Variants in GRM8 observed in about 807,000 individuals in gnomAD.
The protein encoded by GRM8 is glutamate metabotropic receptor 8.
Under a neutral mutation model 87.2 loss-of-function variants are expected in GRM8, and 47 were observed. That is an observed-to-expected ratio of 0.54 (90% CI 0.43 to 0.69). The LOEUF is 0.69. Among genes scored for constraint, GRM8 ranks in the 30% least tolerant of loss-of-function variants. The pLI, the probability that GRM8 is intolerant of heterozygous loss-of-function variation, is 0.00. For missense variants in GRM8, 1,019 were observed against 1,139.2 expected, an observed-to-expected ratio of 0.89 and a Z score of 1.52; for synonymous variants, 396 against 404.5, an observed-to-expected ratio of 0.98 and a Z score of 0.25.
chr7:127,232,576 C>A (rs1253399904), intron 2 of GRM8, among the ~76,000 whole-genome samples: 1 of 152,080 alleles, frequency 6.6e-6, no homozygotes, highest in East Asian at 1.9e-4. Flanking sequence ...TGACCAATGA[C>A]TATACCTTTA....
chr7:126,461,161 C>T (rs539991371), intron 9 of GRM8, among the ~76,000 whole-genome samples: 5 of 151,610 alleles, frequency 3.3e-5, no homozygotes, highest in African/African-American at 1.2e-4. Flanking sequence ...TGAGTCTTCT[C>T]TTACTGAAGC....
intron 3 of GRM8, among the ~76,000 whole-genome samples, chr7:127,089,338 C>T (rs1823826934): frequency 6.6e-6 from 1 of 152,128 alleles, no homozygotes; most frequent in Admixed American, 6.5e-5. Flanking sequence ...AGGAGCCAGC[C>T]CTGCCTACAC....
chr7:126,600,563 T>G (rs766109638), intron 8 of GRM8, among the ~76,000 whole-genome samples: 2 of 152,166 alleles, frequency 1.3e-5, no homozygotes, highest in African/African-American at 2.4e-5. Flanking sequence ...GTGTACTTCC[T>G]AATAGATAAT....
chr7:126,733,277 T>C (rs1813817593), intron 7 of GRM8, among the ~76,000 whole-genome samples: 2 of 151,880 alleles, frequency 1.3e-5, no homozygotes, highest in South Asian at 4.1e-4. Flanking sequence ...GAAACTGTAA[T>C]AAAAGAAAGA....
intron 2 of GRM8, among the ~76,000 whole-genome samples, chr7:127,147,301 A>G (rs1215185464): frequency 6.6e-6 from 1 of 152,096 alleles, no homozygotes; most frequent in Non-Finnish European, 1.5e-5. Context: ...CAAAGTACAG[A>G]AAGTAAAAAT....
chr7:126,879,909 C>T (rs574686716), intron 6 of GRM8, among the ~76,000 whole-genome samples: 19 of 152,146 alleles, frequency 1.2e-4, no homozygotes, highest in African/African-American at 4.6e-4. Context: ...TTTGCGTGCC[C>T]TTTCTCAGTC....
At chr7:126,988,628 T>G (rs1812346825) in intron 3 of GRM8, among the ~76,000 whole-genome samples, 1 of 152,222 alleles carries the variant, frequency 6.6e-6, no homozygotes, top group Non-Finnish European at 1.5e-5. Flanking sequence ...GAGTTAGTAA[T>G]TCCCAGATTT....
At chr7:127,239,189 T>C (rs1004745159) in intron 2 of GRM8, among the ~76,000 whole-genome samples, 2 of 152,230 alleles carry the variant, frequency 1.3e-5, no homozygotes, top group Admixed American at 6.5e-5. Flanking sequence ...CTTCCTAAAG[T>C]TGTCCAAAAA....
intron 8 of GRM8, among the ~76,000 whole-genome samples, chr7:126,539,016 C>T (rs1303210909): frequency 1.3e-5 from 2 of 151,914 alleles, no homozygotes; most frequent in East Asian, 3.9e-4. Context: ...ATATTTATCT[C>T]TTCTTCAAAG....
rs17867799 is a variant in GRM8 at position 127,222,013 on chromosome 7, C to T, written c.510+20682G>A. 7.8e-3 allele frequency among the ~76,000 whole-genome samples: 1,184 copies of T among 152,288 alleles called. 16 individuals carry two copies. Among genetic ancestry groups the T allele is most frequent in the Non-Finnish European group, 9.0e-3 (614 of 68,018 alleles). On this transcript the variant is annotated intron_variant, in intron 2 of 10. Transcript: ENST00000339582. ...AACACTCCCTAAAATATTTAGTCTT[C>T]GGTGCTCCTTAGGGAGCAGAGAAAT...
intron 3 of GRM8, among the ~76,000 whole-genome samples, chr7:126,912,141 G>A (rs1803375005): frequency 6.6e-6 from 1 of 152,150 alleles, no homozygotes; most frequent in South Asian, 2.1e-4. Flanking sequence ...AGCTTGCAGT[G>A]AGCCGAGATC....
intron 3 of GRM8, among the ~76,000 whole-genome samples, chr7:127,053,004 T>C (rs1714969071): frequency 6.6e-6 from 1 of 150,986 alleles, no homozygotes; most frequent in Admixed American, 6.6e-5. Flanking sequence ...ATACTCACCA[T>C]CAATATGTAT....
intron 7 of GRM8, among the ~76,000 whole-genome samples, chr7:126,689,544 A>G (rs1303449407): frequency 6.6e-6 from 1 of 152,188 alleles, no homozygotes; most frequent in African/African-American, 2.4e-5. Flanking sequence ...TCTCAAAAAA[A>G]TCATTCACTA....
At chr7:126,586,815 C>A (rs6467088) in intron 8 of GRM8, among the ~76,000 whole-genome samples, 29,689 of 151,908 alleles carry the variant, frequency 0.2, 3,427 homozygotes, top group East Asian at 0.31. Flanking sequence ...GCAACAAAAG[C>A]CAAAATTGAC....
chr7:127,080,521 A>G (rs1822740494), intron 3 of GRM8, among the ~76,000 whole-genome samples: 1 of 152,172 alleles, frequency 6.6e-6, no homozygotes, highest in Non-Finnish European at 1.5e-5. Context: ...CTGAGAATGT[A>G]TAGTCTAACT....
At chr7:126,878,519 CT>C (rs35669727) in intron 6 of GRM8, among the ~76,000 whole-genome samples, 5,448 of 130,980 alleles carry the variant, frequency 0.042, 175 homozygotes, top group African/African-American at 0.13. Context: ...TCGTCTTCTT[CT>C]TTTTTTTTTT....
intron 2 of GRM8, among the ~76,000 whole-genome samples, chr7:127,230,075 G>C (rs139481882): frequency 1.6e-4 from 25 of 152,166 alleles, no homozygotes; most frequent in Middle Eastern, 3.4e-3. Flanking sequence ...GAAAGGGTTG[G>C]GGGGAGGGAT....
At chr7:127,005,475 A>T (rs144015130) in intron 3 of GRM8, among the ~76,000 whole-genome samples, 1 of 151,892 alleles carries the variant, frequency 6.6e-6, no homozygotes, top group East Asian at 1.9e-4. Context: ...ATTGATGGTT[A>T]TGATATATTG....
chr7:126,915,661 A>G (rs1273671207), intron 3 of GRM8, among the ~76,000 whole-genome samples: 2 of 152,214 alleles, frequency 1.3e-5, no homozygotes, highest in Non-Finnish European at 2.9e-5. Flanking sequence ...ACTGGGAAAG[A>G]GTCAGAGAAA....
Sources: allele counts gnomAD v4.1 joint callset (sites outside exome capture counted in the v4.1 genomes callset), GRCh38; gene constraint gnomAD v4.1.1; transcripts MANE v1.5; gene names NCBI Gene and HGNC (gene_info 2026-07-23, HGNC 2026-07-21).